The following FAM234B variants were observed in gnomAD, a reference collection of about 807,000 sequenced individuals.
FAM234B encodes family with sequence similarity 234 member B.
FAM234B carries 33 observed loss-of-function variants against 69.3 expected under a neutral mutation model. The ratio of observed to expected loss-of-function variants is 0.48; its 90% CI spans 0.36 to 0.64. The LOEUF (loss-of-function observed/expected upper bound fraction) is 0.64, where lower values mean the gene tolerates loss of function less well. Ranked by LOEUF, FAM234B falls within the 30% of genes least tolerant of loss-of-function variation. The probability of loss-of-function intolerance (pLI) is 0.00; values close to 1 mark genes in which losing one functional copy is unlikely to be tolerated. For missense variants in FAM234B, 697 were observed against 769.7 expected (o/e 0.91, Z 1.12); for synonymous variants, 306 against 306.9 (o/e 1.00, Z 0.03).
rs74437546 is a variant in FAM234B at position 13,064,423 on chromosome 12, A to C, written c.852+1448A>C. 6.8e-3 allele frequency among the ~76,000 whole-genome samples: 1,033 copies of C among 152,302 alleles called. 14 individuals are homozygous for C. The highest frequency in any genetic ancestry group is 0.024 in the African/African-American group (991 of 41,552). On this transcript the variant is annotated intron_variant, in intron 5 of 12. Coordinates refer to ENST00000197268, the MANE Select transcript of FAM234B (RefSeq NM_020853.2). The stretch of plus-strand genomic sequence containing the variant: ...GAACAAGTTTTTAAGTCGTGATTGA[A>C]TTTAGAAATCTTGGTCTAACCATCC...
chr12:13,054,585 A>G (rs1281483624), intron 1 of FAM234B, among the ~76,000 whole-genome samples: 1 of 152,070 alleles, frequency 6.6e-6, no homozygotes, highest in Non-Finnish European at 1.5e-5. Flanking sequence ...TCTTTTTTAT[A>G]TTTCTTCTGA....
chr12:13,061,048 A>G (rs1221923837), intron 3 of FAM234B, among the ~76,000 whole-genome samples: 1 of 152,236 alleles, frequency 6.6e-6, no homozygotes, highest in Admixed American at 6.5e-5. Context: ...TTCTGCTCTC[A>G]GGAAGCATTT....
rs761962553 is a variant in FAM234B at position 13,063,023 on chromosome 12, A to G, written c.852+48A>G. The G allele has an allele frequency of 6.3e-6, 10 of 1,594,914 alleles. No individual in the cohort carries two copies. In the African/African-American group the frequency reaches 1.2e-4, roughly 19 times the overall value. ...TTTGTTTCTTATAGGGACTGCTTCT[A>G]TTTTAGTTGTCTCAGCTCCTAGTGT... On this transcript the variant is annotated intron_variant, in intron 5 of 12. Transcript: ENST00000197268.
At chr12:13,080,044 G>C in intron 12 of FAM234B, 35 bp downstream of exon 12, 2 of 1,469,362 alleles carry the variant, frequency 1.4e-6, no homozygotes, top group South Asian at 2.7e-5. Context: ...CCTCTTGAGG[G>C]TTTAGGACAA....
In FAM234B at chr12:13,066,685, G is replaced by T; in HGVS notation, c.898G>T (p.Val300Leu). The T allele has an allele frequency of 6.2e-7, 1 of 1,614,028 alleles. No individual in the cohort carries two copies. Among genetic ancestry groups the T allele is most frequent in the South Asian group, 1.1e-5 (1 of 91,070 alleles). Residue 300 changes from valine to leucine, a missense_variant, in exon 6 of 13, where the codon GTG (valine) becomes TTG (leucine). By Grantham distance (32) the Val-to-Leu change is conservative (BLOSUM62 1). Coordinates refer to ENST00000197268, the MANE Select transcript of FAM234B (RefSeq NM_020853.2). ...GGTGTCTGGCCGGACCGGAAATCCA[G>T]TGGGTCGACCTGTGAAGTACAACAT... ...LLVSGRTGNP[V>L]GRPVKYNIVG...
At chr12:13,060,131 T>C (rs1422423822) in intron 3 of FAM234B, among the ~76,000 whole-genome samples, 1 of 152,134 alleles carries the variant, frequency 6.6e-6, no homozygotes, top group Non-Finnish European at 1.5e-5. Context: ...CGTTGTGAGG[T>C]TAAAGAACTT....
rs755226931 is a variant in FAM234B, at chr12:13,055,843, T to C, written c.330T>C (p.Thr110=). The C allele has an allele frequency of 1.9e-6, 3 of 1,614,094 alleles. No individual in the cohort carries two copies. The East Asian group carries it at 6.7e-5, about 36-fold the overall frequency. Residue 110 remains threonine (T), a synonymous_variant, in exon 2 of 13, where the codon ACT becomes ACC. Coordinates refer to ENST00000197268, the MANE Select transcript of FAM234B (RefSeq NM_020853.2). ...SYVRTSVFLL[T]LGISMILVLL... is the part of the protein sequence containing the mutation. ...TGCGCACGTCTGTCTTCCTGCTGACTTTGGGGATCTCGATGATCCTGGTGC... is the reference window on the plus strand; with the variant it reads ...TGCGCACGTCTGTCTTCCTGCTGACCTTGGGGATCTCGATGATCCTGGTGC...
intron 11 of FAM234B, among the ~76,000 whole-genome samples, chr12:13,079,032 A>G (rs998280155): frequency 1.9e-4 from 29 of 152,094 alleles, no homozygotes; most frequent in African/African-American, 7.0e-4. Flanking sequence ...AGAATTGGAA[A>G]AAACTACTTT....
intron 5 of FAM234B, among the ~76,000 whole-genome samples, chr12:13,063,663 A>G (rs1865007844): frequency 6.6e-6 from 1 of 152,242 alleles, no homozygotes; most frequent in African/African-American, 2.4e-5. Context: ...CACAGATAAA[A>G]TAAGAGTAGT....
intron 5 of FAM234B, among the ~76,000 whole-genome samples, chr12:13,064,999 C>G (rs889395364): frequency 2.0e-5 from 3 of 152,152 alleles, no homozygotes; most frequent in African/African-American, 4.8e-5. Context: ...TCACACCATG[C>G]TATGATCTCT....
intron 10 of FAM234B, among the ~76,000 whole-genome samples, chr12:13,073,352 G>C (rs958373760): frequency 3.9e-5 from 6 of 152,140 alleles, no homozygotes; most frequent in African/African-American, 1.4e-4. Context: ...CTGCTGTAGA[G>C]AGTTTGAAGA....
chr12:13,069,263 G>T (rs1865075381), intron 9 of FAM234B, among the ~76,000 whole-genome samples: 1 of 152,176 alleles, frequency 6.6e-6, no homozygotes, highest in African/African-American at 2.4e-5. Context: ...CATATTGTGA[G>T]AATATAATGA....
chr12:13,066,882 C>A, intron 6 of FAM234B, 95 bp downstream of exon 6: 1 of 1,374,412 alleles, frequency 7.3e-7, no homozygotes, highest in South Asian at 1.4e-5. Context: ...GAACTCCTGA[C>A]ACCAGCCTTC....
At chr12:13,072,085 T>C (rs2099712721) in intron 10 of FAM234B, among the ~76,000 whole-genome samples, 1 of 152,168 alleles carries the variant, frequency 6.6e-6, no homozygotes, top group Non-Finnish European at 1.5e-5. Context: ...CTGTGATCTC[T>C]GTAGGGACTA....
intron 1 of FAM234B, among the ~76,000 whole-genome samples, chr12:13,051,794 G>A (rs911937670): frequency 6.6e-6 from 1 of 152,178 alleles, no homozygotes; most frequent in Non-Finnish European, 1.5e-5. Flanking sequence ...TGAGAAGAGT[G>A]GGGGAGGGCA....
intron 4 of FAM234B, 22 bp from the exon 5 acceptor site, chr12:13,062,823 C>T: frequency 6.2e-7 from 1 of 1,611,154 alleles, no homozygotes; most frequent in East Asian, 2.2e-5. Context: ...TCATAGTGAC[C>T]AGCCTATGTG....
In FAM234B at chr12:13,067,414, C is replaced by A; in HGVS notation, c.1142+118C>A. 9.5e-7 allele frequency: 1 copy of A among 1,051,574 alleles called. No individual in the cohort carries two copies. Among genetic ancestry groups the A allele is most frequent in the Non-Finnish European group, 1.4e-6 (1 of 712,348 alleles). 65.1% of individuals were successfully genotyped at this position (1,051,574 alleles called of 1,614,324 possible). On this transcript the variant is annotated intron_variant, in intron 7 of 12. Coordinates refer to ENST00000197268, the MANE Select transcript of FAM234B (RefSeq NM_020853.2). The surrounding 1 kb of genome is among the most constrained non-coding windows in gnomAD (Gnocchi z 4.7). ...GGGTAGAGGTTTAGGGGAAACAGTG[C>A]TTATCTTAATTTACCATCTTCTGAT...
chr12:13,047,993 G>A (rs1381668966), intron 1 of FAM234B, among the ~76,000 whole-genome samples: 1 of 152,092 alleles, frequency 6.6e-6, no homozygotes, highest in Admixed American at 6.6e-5. Flanking sequence ...TAATCCTTAA[G>A]CGGAGGTTTG....
At position 13,071,328 on chromosome 12, in the gene FAM234B, G is replaced by A. The variant is rs774281500; in HGVS notation, c.1456G>A (p.Val486Ile). Residue 486 changes from valine to isoleucine, a missense_variant, in exon 10 of 13, where the codon GTT becomes ATT. Val to Ile is a conservative substitution (Grantham distance 29). This residue lies in a region of FAM234B where 313 missense variants were observed against 305.5 expected (regional missense o/e 1.02). Transcript: ENST00000197268. ...GAAAGAAACGCCAGCCACCTCAGCA[G>A]TTACTTCAGACCAGAAGTCTGTCTT... is the stretch of plus-strand genomic sequence containing the variant. ...HMKETPATSA[V>I]TSDQKSVFLF... The A allele has an allele frequency of 6.8e-6, 11 of 1,614,056 alleles. No homozygotes were observed. The East Asian group carries it at 2.5e-4, about 36-fold the overall frequency.
Sources: gnomAD v4.1 joint callset for allele counts (sites outside exome capture counted in the v4.1 genomes callset) on GRCh38, gnomAD v4.1.1 for gene constraint, gnomAD v4.1.1 regional missense constraint, Gnocchi (gnomAD v3.1) non-coding constraint, MANE v1.5 for transcripts, NCBI Gene and HGNC (gene_info 2026-07-23, HGNC 2026-07-21) for gene names.